Variants in PRRC2B observed in about 807,000 individuals in gnomAD.
PRRC2B encodes the protein proline rich coiled-coil 2B.
A neutral mutation model predicts 242.3 loss-of-function variants in PRRC2B; 68 were observed. The observed-to-expected ratio is 0.28, with a 90% CI of 0.23 to 0.34. The LOEUF (loss-of-function observed/expected upper bound fraction) is 0.34, where lower values mean the gene tolerates loss of function less well. Among genes scored for constraint, PRRC2B ranks in the 10% least tolerant of loss-of-function variants. The pLI, the probability that PRRC2B is intolerant of heterozygous loss-of-function variation, is 1.00. For missense variants in PRRC2B, 2,835 were observed against 2,954.8 expected (o/e 0.96, Z 0.94); for synonymous variants, 1,228 against 1,173.6 (o/e 1.05, Z -0.95).
intron 3 of PRRC2B, among the ~76,000 whole-genome samples, chr9:131,435,511 A>C (rs1838326497): frequency 6.6e-6 from 1 of 151,496 alleles, no homozygotes; most frequent in Non-Finnish European, 1.5e-5. Flanking sequence ...GATATTCGGG[A>C]GACTGAGGCA....
chr9:131,420,103 T>G (rs891981721), intron 1 of PRRC2B, among the ~76,000 whole-genome samples: 2 of 152,168 alleles, frequency 1.3e-5, no homozygotes, highest in African/African-American at 4.8e-5. Flanking sequence ...CCTCTTATTT[T>G]AAATTTGTTG....
chr9:131,484,297 C>T (rs900308923), intron 23 of PRRC2B, among the ~76,000 whole-genome samples: 6 of 152,148 alleles, frequency 3.9e-5, no homozygotes, highest in African/African-American at 1.2e-4. Context: ...TGTTTGTGTG[C>T]GGGCTGCCAG....
At position 131,483,562 on chromosome 9, in the gene PRRC2B, A is replaced by G. The variant is rs566369939; in HGVS notation, c.5460+117A>G. 3.1e-4 allele frequency: 272 copies of G among 876,136 alleles called. 2 individuals carry two copies. In the African/African-American group the frequency reaches 3.9e-3, roughly 13 times the overall value. The allele number at this position is 876,136 out of a possible 1,614,324, so 54.3% of individuals were successfully genotyped here. A position where few individuals can be genotyped will look rare whatever the true frequency, so the allele number is the denominator to read the frequency against. On this transcript the variant is annotated intron_variant, in intron 23 of 31. Transcript: ENST00000683519. ...TGGGCTGGCACGTGACTCAGTTGCTAGCAGCTCCATGTCCTTAAAAGGTGC... is the reference window on the plus strand; with the variant it reads ...TGGGCTGGCACGTGACTCAGTTGCTGGCAGCTCCATGTCCTTAAAAGGTGC...
At chr9:131,379,984 A>G (rs1184280644) in intron 1 of PRRC2B, among the ~76,000 whole-genome samples, 4 of 139,360 alleles carry the variant, frequency 2.9e-5, no homozygotes, top group African/African-American at 1.1e-4. Context: ...AGTTATTTAT[A>G]TATATATAAT....
intron 25 of PRRC2B, 44 bp downstream of exon 25, chr9:131,485,184 A>G: frequency 6.9e-7 from 1 of 1,458,034 alleles, no homozygotes; most frequent in Non-Finnish European, 9.3e-7. Flanking sequence ...TTCTCCATTT[A>G]TTATCAAGAA....
In PRRC2B at chr9:131,494,093, C is replaced by T. The variant is rs539955913; in HGVS notation, c.6474-312C>T. On this transcript the variant is annotated intron_variant, in intron 30 of 31. Transcript: ENST00000683519. This position sits in a 1 kb window ranked among gnomAD's most constrained non-coding sequence, Gnocchi z 4.3. Reference sequence around the variant, plus strand: ...GTCCAGACCCTGAGACGGCCAGTGTCGCTTTCTGCACAGCAGGACAGCCAT... The same window carrying T: ...GTCCAGACCCTGAGACGGCCAGTGTTGCTTTCTGCACAGCAGGACAGCCAT... 1.3e-5 allele frequency among the ~76,000 whole-genome samples: 2 copies of T among 152,344 alleles called. No individual in the cohort carries two copies. The highest frequency in any genetic ancestry group is 2.4e-5 in the African/African-American group (1 of 41,582).
At chr9:131,408,572 C>G (rs934894242) in intron 1 of PRRC2B, among the ~76,000 whole-genome samples, 2 of 152,148 alleles carry the variant, frequency 1.3e-5, no homozygotes, top group Non-Finnish European at 2.9e-5. Context: ...AAGAGAAGAA[C>G]CCAGGTTGAA....
intron 1 of PRRC2B, among the ~76,000 whole-genome samples, chr9:131,383,402 A>T (rs1192592940): frequency 6.6e-6 from 1 of 151,982 alleles, no homozygotes; most frequent in African/African-American, 2.4e-5. Context: ...AGATCATATT[A>T]CAAGTTAGCT....
intron 9 of PRRC2B, among the ~76,000 whole-genome samples, chr9:131,449,018 T>A (rs12552731): frequency 0.097 from 14,750 of 152,196 alleles, 845 homozygotes; most frequent in Non-Finnish European, 0.13. Flanking sequence ...AGATTAGTTT[T>A]GCCTAGTTAA....
chr9:131,446,319 G>T lies in PRRC2B; in HGVS notation c.614-82G>T. ...TTTTATTTTTTTGGTGAAGGAGGGG[G>T]TCCCTTGACCTTCAGAACCTCATAC... is the stretch of plus-strand genomic sequence containing the variant. On this transcript the variant is annotated intron_variant, in intron 6 of 31. Transcript: ENST00000683519. The surrounding 1 kb of genome is among the most constrained non-coding windows in gnomAD (Gnocchi z 4.1). 1.8e-5 allele frequency: 27 copies of T among 1,493,128 alleles called. No individual in the cohort carries two copies. Among genetic ancestry groups the T allele is most frequent in the Non-Finnish European group, 2.4e-5 (27 of 1,106,330 alleles). 92.5% of individuals were successfully genotyped at this position (1,493,128 alleles called of 1,614,324 possible).
At chr9:131,477,157 TTGAC>T (rs1407227444) in intron 16 of PRRC2B, among the ~76,000 whole-genome samples, 8 of 152,190 alleles carry the variant, frequency 5.3e-5, no homozygotes, top group African/African-American at 1.7e-4. Flanking sequence ...ACAGTCTGGG[TTGAC>T]TGACTGCACT....
At position 131,487,751 on chromosome 9, in the gene PRRC2B, G is replaced by A. The variant is rs1006339297; in HGVS notation, c.5985-105G>A. 50 of 1,457,980 alleles carry A rather than the reference G, an allele frequency of 3.4e-5. No individual in the cohort carries two copies. In the African/African-American group the frequency reaches 3.7e-4, roughly 11 times the overall value. The allele number at this position is 1,457,980 out of a possible 1,614,324, so 90.3% of individuals were successfully genotyped here. The stretch of plus-strand genomic sequence containing the variant: ...TGAGTCGCGCTCTGGGGGTGGGGCC[G>A]GGGATCTGTGGTTTAGCAAGCTCTC... On this transcript the variant is annotated intron_variant, in intron 27 of 31. Coordinates refer to ENST00000683519, the MANE Select transcript of PRRC2B (RefSeq NM_013318.4). This position sits in a 1 kb window ranked among gnomAD's most constrained non-coding sequence, Gnocchi z 5.3.
At chr9:131,386,120 G>T (rs1424811364) in intron 1 of PRRC2B, among the ~76,000 whole-genome samples, 1 of 146,582 alleles carries the variant, frequency 6.8e-6, no homozygotes, top group Non-Finnish European at 1.5e-5. Context: ...CTGTTTGTTT[G>T]TTTTTTTTAA....
intron 1 of PRRC2B, among the ~76,000 whole-genome samples, chr9:131,379,010 T>C (rs1417740707): frequency 6.6e-6 from 1 of 152,200 alleles, no homozygotes; most frequent in Non-Finnish European, 1.5e-5. Context: ...TAAGGCACCG[T>C]GCCTGACCTT....
At chr9:131,426,550 G>A (rs1283114083) in intron 1 of PRRC2B, among the ~76,000 whole-genome samples, 2 of 152,014 alleles carry the variant, frequency 1.3e-5, no homozygotes, top group Non-Finnish European at 2.9e-5. Flanking sequence ...GCCTCAGGGA[G>A]GGAGATTTAA....
At chr9:131,395,701 C>A (rs1056080328) in intron 1 of PRRC2B, among the ~76,000 whole-genome samples, 1 of 152,210 alleles carries the variant, frequency 6.6e-6, no homozygotes, top group Non-Finnish European at 1.5e-5. Context: ...ATGGATGCCA[C>A]AGGTGCTGGC....
At chr9:131,467,001 C>T (rs1259485254) in intron 12 of PRRC2B, among the ~76,000 whole-genome samples, 2 of 152,222 alleles carry the variant, frequency 1.3e-5, no homozygotes, top group African/African-American at 4.8e-5. Flanking sequence ...CGGGGTTTCA[C>T]TGTGTTAGCC....
At chr9:131,375,906 G>A (rs1228595661) in intron 1 of PRRC2B, among the ~76,000 whole-genome samples, 4 of 151,888 alleles carry the variant, frequency 2.6e-5, no homozygotes, top group African/African-American at 9.7e-5. Context: ...GAAATTAGCC[G>A]GGCATGGTGG....
intron 15 of PRRC2B, 109 bp from the exon 16 acceptor site, chr9:131,474,345 T>G: frequency 3.2e-6 from 3 of 934,664 alleles, no homozygotes; most frequent in Non-Finnish European, 4.7e-6. Flanking sequence ...TAAAAAGTGT[T>G]TTAGTTTTTG....
Sources: gnomAD v4.1 joint callset for allele counts (sites outside exome capture counted in the v4.1 genomes callset) on GRCh38, gnomAD v4.1.1 for gene constraint, Gnocchi (gnomAD v3.1) non-coding constraint, MANE v1.5 for transcripts, NCBI Gene and HGNC (gene_info 2026-07-23, HGNC 2026-07-21) for gene names.